WNK3: variants seen among roughly 807,000 people sequenced by gnomAD.
WNK3 encodes serine/threonine-protein kinase WNK3.
A neutral mutation model predicts 116.7 loss-of-function variants in WNK3; 18 were observed. That is an observed-to-expected ratio of 0.15 (90% confidence interval 0.11 to 0.23). The LOEUF (loss-of-function observed/expected upper bound fraction) is 0.23. WNK3 is among the 10% of genes least tolerant of loss of function. The pLI, the probability that WNK3 is intolerant of heterozygous loss-of-function variation, is 1.00. For synonymous variants in WNK3, 404 were observed against 469.4 expected (o/e 0.86, Z 1.80); for missense variants, 993 against 1,323.8 (o/e 0.75, Z 3.88).
intron 22 of WNK3, among the ~76,000 whole-genome samples, chrX:54,220,241 T>C (rs1018766528): frequency 8.9e-6 from 1 of 111,961 alleles, no homozygotes; most frequent in Admixed American, 9.6e-5. Context: ...CAAAGAATAC[T>C]AAAAAATCTG....
intron 10 of WNK3, among the ~76,000 whole-genome samples, chrX:54,264,047 A>T (rs1822966117): frequency 9.3e-6 from 1 of 107,331 alleles, no homozygotes; most frequent in Admixed American, 1.0e-4. Flanking sequence ...TTTAAAAAAA[A>T]TTTGGGCCAG....
At chrX:54,230,849 C>T (rs1428555957) in intron 21 of WNK3, among the ~76,000 whole-genome samples, 3 of 112,446 alleles carry the variant, frequency 2.7e-5, no homozygotes, top group African/African-American at 9.7e-5. Context: ...CCAAAGACAG[C>T]CTCCAGAGAC....
chrX:54,237,622 A>T, intron 19 of WNK3, 71 bp from the exon 20 acceptor site: 2 of 1,030,074 alleles, frequency 1.9e-6, no homozygotes, highest in Non-Finnish European at 2.5e-6. Flanking sequence ...ATGTATATGT[A>T]TTGATACTAG....
At position 54,229,193 on chromosome X, in the gene WNK3, T is replaced by C. The variant is rs59485231; in HGVS notation, c.4841-450A>G. On this transcript the variant is annotated intron_variant, in intron 21 of 23. Transcript: ENST00000354646. ...AATAAAATAAATCCTTAGGTATAAATAAATCGAAACACATATAGAATCTGT... is the reference window on the plus strand; with the variant it reads ...AATAAAATAAATCCTTAGGTATAAACAAATCGAAACACATATAGAATCTGT... Among the ~76,000 whole-genome samples, 666 of 110,650 alleles carry C rather than the reference T, an allele frequency of 6.0e-3. 5 individuals carry two copies. Among genetic ancestry groups the C allele is most frequent in the African/African-American group, 0.021 (637 of 30,559 alleles).
intron 2 of WNK3, among the ~76,000 whole-genome samples, chrX:54,321,955 G>T (rs1394401951): frequency 1.9e-5 from 2 of 103,444 alleles, no homozygotes; most frequent in Non-Finnish European, 3.9e-5. Flanking sequence ...TCGCACTCCA[G>T]CCTGAGTGAC....
intron 2 of WNK3, among the ~76,000 whole-genome samples, chrX:54,331,211 A>T (rs1354697399): frequency 2.8e-5 from 3 of 108,907 alleles, no homozygotes; most frequent in African/African-American, 1.0e-4. Flanking sequence ...GTACCTCTGA[A>T]CTTAAAATTT....
At chrX:54,274,329 C>T (rs1320144784) in intron 10 of WNK3, among the ~76,000 whole-genome samples, 1 of 111,355 alleles carries the variant, frequency 9.0e-6, no homozygotes, top group African/African-American at 3.3e-5. Context: ...CAGCTGATGA[C>T]ATTGCTTCCA....
At chrX:54,286,392 T>C (rs1405382234) in intron 10 of WNK3, among the ~76,000 whole-genome samples, 1 of 111,117 alleles carries the variant, frequency 9.0e-6, no homozygotes, top group African/African-American at 3.3e-5. Flanking sequence ...TTTATGCCCT[T>C]GATGAAGAGG....
intron 1 of WNK3, among the ~76,000 whole-genome samples, chrX:54,351,649 C>T (rs1427271437): frequency 1.8e-5 from 2 of 111,173 alleles, no homozygotes; most frequent in East Asian, 2.8e-4. Flanking sequence ...CAGTGGCTCA[C>T]GTCTGTAATT....
intron 23 of WNK3, among the ~76,000 whole-genome samples, chrX:54,200,401 CCA>C (rs2067489957): frequency 9.0e-6 from 1 of 110,925 alleles, no homozygotes; most frequent in Admixed American, 9.7e-5. Context: ...GATGGGCTTG[CCA>C]CACAAAAGAT....
chrX:54,195,361 G>C (rs1054720362), exon 24 of WNK3: 3 of 111,522 alleles, frequency 2.7e-5, no homozygotes, highest in Non-Finnish European at 5.7e-5. Context: ...TGGAAAGGAA[G>C]GCCCTTTTTA....
intron 10 of WNK3, among the ~76,000 whole-genome samples, chrX:54,268,506 A>T (rs781878233): frequency 4.7e-4 from 52 of 111,101 alleles, no homozygotes; most frequent in Non-Finnish European, 8.3e-4. Context: ...AAAAATTTTT[A>T]AAAATGCAAA....
chrX:54,220,070 ATTCT>A (rs2067745285), intron 22 of WNK3, among the ~76,000 whole-genome samples: 1 of 112,078 alleles, frequency 8.9e-6, no homozygotes, highest in African/African-American at 3.2e-5. Flanking sequence ...TTGTTTACCT[ATTCT>A]TTATTTCAGA....
At chrX:54,288,940 G>A (rs782182877) in intron 10 of WNK3, among the ~76,000 whole-genome samples, 1 of 111,822 alleles carries the variant, frequency 8.9e-6, no homozygotes, top group Admixed American at 9.6e-5. Flanking sequence ...AGGGCTTATT[G>A]TATATACCTG....
At chrX:54,345,926 A>G (rs2069417859) in intron 1 of WNK3, among the ~76,000 whole-genome samples, 1 of 110,464 alleles carries the variant, frequency 9.1e-6, no homozygotes, top group African/African-American at 3.3e-5. Context: ...TCTGTGTAAA[A>G]TACTTCCAAG....
intron 11 of WNK3, 119 bp downstream of exon 11, chrX:54,259,155 A>T: frequency 5.7e-6 from 2 of 349,578 alleles, no homozygotes; most frequent in Non-Finnish European, 9.7e-6. Context: ...TTTATTAAAC[A>T]TCCACACAAG....
chrX:54,330,300 G>C (rs2069153361), intron 2 of WNK3, among the ~76,000 whole-genome samples: 1 of 110,890 alleles, frequency 9.0e-6, no homozygotes, highest in African/African-American at 3.3e-5. Flanking sequence ...TTGAACCTGG[G>C]AGGTGGAGGT....
intron 17 of WNK3, 76 bp from the exon 18 acceptor site, chrX:54,239,175 G>A: frequency 1.4e-6 from 1 of 712,726 alleles, no homozygotes; most frequent in Admixed American, 4.7e-5. Flanking sequence ...AAACCAAAGT[G>A]GTAATAATTT....
At chrX:54,204,643 C>T (rs1332507488) in intron 22 of WNK3, among the ~76,000 whole-genome samples, 2 of 112,199 alleles carry the variant, frequency 1.8e-5, no homozygotes, top group African/African-American at 6.5e-5. Context: ...CTTGTTATCC[C>T]TTTGCACATT....
Sources: allele counts gnomAD v4.1 joint callset (sites outside exome capture counted in the v4.1 genomes callset), GRCh38; gene constraint gnomAD v4.1.1; transcripts MANE v1.5; gene names NCBI Gene and HGNC (gene_info 2026-07-23, HGNC 2026-07-21).